PDE11A: variants seen among roughly 807,000 people sequenced by gnomAD.
The protein encoded by PDE11A is phosphodiesterase 11A.
In PDE11A, 100 loss-of-function variants were observed where a neutral mutation model predicts 100.5. That is an observed-to-expected ratio of 1.00 (90% confidence interval 0.85 to 1.18). The LOEUF (loss-of-function observed/expected upper bound fraction) is 1.18, where lower values mean the gene tolerates loss of function less well. Among genes scored for constraint, PDE11A ranks in the 50% most tolerant of loss-of-function variants. The pLI is 0.00. For synonymous variants in PDE11A, 381 were observed against 420.8 expected (o/e 0.91, Z 1.16); for missense variants, 1,141 against 1,152.6 (o/e 0.99, Z 0.15).
chr2:178,001,390 A>G (rs764939679), intron 2 of PDE11A, among the ~76,000 whole-genome samples: 29 of 151,888 alleles, frequency 1.9e-4, no homozygotes, highest in Non-Finnish European at 3.5e-4. Context: ...AGAAAGCTGC[A>G]CTCAAAATGT....
chr2:177,717,558 C>A (rs1246300108), intron 12 of PDE11A, among the ~76,000 whole-genome samples: 1 of 152,074 alleles, frequency 6.6e-6, no homozygotes, highest in Non-Finnish European at 1.5e-5. Context: ...AATATATCTT[C>A]TCACCTGTAT....
At chr2:177,667,207 C>A (rs1322383856) in intron 18 of PDE11A, among the ~76,000 whole-genome samples, 1 of 152,160 alleles carries the variant, frequency 6.6e-6, no homozygotes, top group Non-Finnish European at 1.5e-5. Flanking sequence ...AGCCACCACT[C>A]CTGGCTGTTC....
At chr2:177,994,808 C>CT (rs979270843) in intron 2 of PDE11A, among the ~76,000 whole-genome samples, 5 of 150,640 alleles carry the variant, frequency 3.3e-5, no homozygotes, top group African/African-American at 4.9e-5. Context: ...CTGGATGGGT[C>CT]TTTTTTTTAA....
chr2:177,803,086 C>A (rs920418131), intron 9 of PDE11A, among the ~76,000 whole-genome samples: 2 of 151,504 alleles, frequency 1.3e-5, no homozygotes, highest in African/African-American at 2.4e-5. Context: ...AAAAAGATAA[C>A]AAATAATTTT....
chr2:177,672,129 A>G (rs538845604), intron 17 of PDE11A, among the ~76,000 whole-genome samples: 2 of 152,228 alleles, frequency 1.3e-5, no homozygotes, highest in African/African-American at 4.8e-5. Context: ...ACTCTCCCAG[A>G]AGGGAGGCCT....
intron 1 of PDE11A, among the ~76,000 whole-genome samples, chr2:178,050,713 C>T (rs183841478): frequency 1.3e-5 from 2 of 152,168 alleles, no homozygotes; most frequent in African/African-American, 4.8e-5. Context: ...GACGCATGCA[C>T]AAGATTCAGT....
intron 9 of PDE11A, among the ~76,000 whole-genome samples, chr2:177,800,492 C>G (rs1274555897): frequency 1.3e-5 from 2 of 152,020 alleles, no homozygotes; most frequent in African/African-American, 4.8e-5. Context: ...AATTTTAAAG[C>G]CTGCCCTTTT....
chr2:177,998,032 G>C, intron 2 of PDE11A: 1 of 1,252,892 alleles, frequency 8.0e-7, no homozygotes, highest in East Asian at 2.3e-5. Context: ...AGAGAAGAAG[G>C]GTACTGCCTG....
chr2:178,053,233 C>A (rs2086851699), intron 1 of PDE11A, among the ~76,000 whole-genome samples: 1 of 152,176 alleles, frequency 6.6e-6, no homozygotes. Flanking sequence ...TAAACATAAT[C>A]CATCATATAA....
intron 2 of PDE11A, among the ~76,000 whole-genome samples, chr2:177,950,197 T>C (rs2085489835): frequency 6.6e-6 from 1 of 151,580 alleles, no homozygotes; most frequent in South Asian, 2.1e-4. Flanking sequence ...TTAACAATAC[T>C]TTCCTACTTT....
intron 1 of PDE11A, among the ~76,000 whole-genome samples, chr2:178,029,882 T>C (rs1281139820): frequency 6.6e-6 from 1 of 152,194 alleles, no homozygotes; most frequent in Non-Finnish European, 1.5e-5. Context: ...GGGTTCATTA[T>C]TGCAGAAGTG....
At chr2:177,816,076 T>C (rs988481031) in intron 9 of PDE11A, among the ~76,000 whole-genome samples, 1 of 151,996 alleles carries the variant, frequency 6.6e-6, no homozygotes, top group African/African-American at 2.4e-5. Flanking sequence ...TTGGGCATGG[T>C]GGTGCATGCC....
In PDE11A at chr2:177,627,995, G is replaced by C. The variant is rs538889407; in HGVS notation, c.*1412C>G. 6.6e-6 allele frequency: 1 copy of C among 152,188 alleles called. No individual in the cohort carries two copies. The highest frequency in any genetic ancestry group is 1.5e-5 in the Non-Finnish European group (1 of 68,020). The allele number at this position is 152,188 out of a possible 1,614,324, so 9.4% of individuals were successfully genotyped here. A position where few individuals can be genotyped will look rare whatever the true frequency, so the allele number is the denominator to read the frequency against. On this transcript the variant is annotated 3_prime_UTR_variant, in exon 20 of 20. Transcript: ENST00000286063. ...AGAGTCCCTGTGGACCCCCATGTAC[G>C]TAATCAAAGAGATGAAGGTTTGTAG... is the stretch of plus-strand genomic sequence containing the variant.
intron 7 of PDE11A, among the ~76,000 whole-genome samples, chr2:177,819,169 T>A (rs1211362769): frequency 6.6e-6 from 1 of 152,076 alleles, no homozygotes; most frequent in African/African-American, 2.4e-5. Context: ...GTAGTTTAAG[T>A]CTTTGTACTA....
At chr2:178,057,571 T>C (rs1190030377) in intron 1 of PDE11A, among the ~76,000 whole-genome samples, 8 of 152,220 alleles carry the variant, frequency 5.3e-5, no homozygotes, top group Non-Finnish European at 1.2e-4. Flanking sequence ...AATAAACATA[T>C]GAAATGCAGA....
intron 2 of PDE11A, among the ~76,000 whole-genome samples, chr2:178,006,548 T>G (rs2086213827): frequency 6.6e-6 from 1 of 152,142 alleles, no homozygotes; most frequent in African/African-American, 2.4e-5. Flanking sequence ...ATTGCTCCAA[T>G]AGAAAAAAAA....
chr2:178,047,090 A>T (rs1210974605), intron 1 of PDE11A, among the ~76,000 whole-genome samples: 1 of 151,478 alleles, frequency 6.6e-6, no homozygotes, highest in Non-Finnish European at 1.5e-5. Flanking sequence ...CTATGACATG[A>T]TAGTTGTCTA....
chr2:177,671,695 T>C (rs1211047254), intron 17 of PDE11A, among the ~76,000 whole-genome samples: 1 of 152,140 alleles, frequency 6.6e-6, no homozygotes, highest in Non-Finnish European at 1.5e-5. Context: ...TTTTGTGTTT[T>C]ATTTCCCTGA....
chr2:178,093,430 AC>A (rs2087448615), intron 2 of PDE11A, among the ~76,000 whole-genome samples: 1 of 150,210 alleles, frequency 6.7e-6, no homozygotes, highest in Non-Finnish European at 1.5e-5. Flanking sequence ...TACCTATCAT[AC>A]CAAGCTGCCT....
Sources: allele counts gnomAD v4.1 joint callset (sites outside exome capture counted in the v4.1 genomes callset), GRCh38; gene constraint gnomAD v4.1.1; transcripts MANE v1.5; gene names NCBI Gene and HGNC (gene_info 2026-07-23, HGNC 2026-07-21).